Variants in SLIT3 observed in about 807,000 individuals in gnomAD.
SLIT3 encodes the protein slit homolog 3 protein.
A neutral mutation model predicts 184.0 loss-of-function variants in SLIT3; 68 were observed. The observed-to-expected ratio is 0.37, with a 90% CI of 0.30 to 0.45. The LOEUF (loss-of-function observed/expected upper bound fraction) is 0.45. SLIT3 is among the 20% of genes least tolerant of loss of function. The pLI is 1.00. For synonymous variants in SLIT3, 831 were observed against 828.6 expected (o/e 1.00, Z -0.05); for missense variants, 1,707 against 2,026.0 (o/e 0.84, Z 3.02).
intron 4 of SLIT3, among the ~76,000 whole-genome samples, chr5:168,962,918 C>T (rs1265329338): frequency 4.6e-5 from 7 of 152,232 alleles, no homozygotes; most frequent in Non-Finnish European, 8.8e-5. Flanking sequence ...CATCTCTTCA[C>T]AGCAGCCGTT....
At chr5:168,724,105 T>A (rs1055116840) in intron 21 of SLIT3, among the ~76,000 whole-genome samples, 1 of 152,198 alleles carries the variant, frequency 6.6e-6, no homozygotes, top group Non-Finnish European at 1.5e-5. Flanking sequence ...CCAATGTCCA[T>A]AGTTCCGAAG....
intron 4 of SLIT3, among the ~76,000 whole-genome samples, chr5:169,163,901 T>C (rs1324822339): frequency 1.3e-5 from 2 of 152,166 alleles, no homozygotes; most frequent in African/African-American, 4.8e-5. Context: ...GCCCCATTCG[T>C]TCCTTTGGGC....
At chr5:168,699,447 G>C (rs898361677) in intron 27 of SLIT3, among the ~76,000 whole-genome samples, 3 of 152,236 alleles carry the variant, frequency 2.0e-5, no homozygotes, top group Admixed American at 6.5e-5. Flanking sequence ...TGCCAAAGGA[G>C]CCCGTTCCCA....
chr5:168,944,017 G>C (rs1191366615), intron 4 of SLIT3, among the ~76,000 whole-genome samples: 2 of 152,152 alleles, frequency 1.3e-5, no homozygotes, highest in East Asian at 3.8e-4. Context: ...TGGTGGCCCA[G>C]CAGCGCACAT....
rs1243874355 is a variant in SLIT3, at chr5:168,683,973, C to G, written c.3679G>C (p.Val1227Leu). The change falls in exon 32 of 36, where the codon GTG (valine) becomes CTG (leucine). Residue 1227 changes from valine to leucine, a missense_variant. Val to Leu is a conservative substitution (Grantham distance 32). Around this residue, in one of 3 missense-constraint regions of SLIT3, gnomAD observed 387 missense variants for 477.9 expected, o/e 0.81. Transcript: ENST00000519560. ...AGGGAGAGAGGCCCTTACCTGTACA[C>G]TGTGGTTGGAGGGGAACTCAGGCTG... ...YDSLSSPPTT[V>L]YSVETVNDGQ... The G allele has an allele frequency of 1.3e-6, 2 of 1,581,958 alleles. No individual in the cohort carries two copies. Among genetic ancestry groups the G allele is most frequent in the Non-Finnish European group, 8.6e-7 (1 of 1,162,258 alleles).
chr5:168,784,868 G>GACACAC (rs34317589), intron 12 of SLIT3, among the ~76,000 whole-genome samples: 2 of 149,744 alleles, frequency 1.3e-5, no homozygotes, highest in African/African-American at 2.5e-5. Flanking sequence ...ATTTTAAAAA[G>GACACAC]ACACACACAC....
At chr5:168,903,929 T>G (rs1048056496) in intron 4 of SLIT3, among the ~76,000 whole-genome samples, 5 of 152,204 alleles carry the variant, frequency 3.3e-5, no homozygotes, top group Admixed American at 2.6e-4. Context: ...GTGGGGACAC[T>G]GGGTGGGATG....
chr5:169,275,735 C>T (rs1167485464), intron 1 of SLIT3, among the ~76,000 whole-genome samples: 2 of 152,096 alleles, frequency 1.3e-5, no homozygotes, highest in African/African-American at 4.8e-5. Context: ...AAAGACCAGC[C>T]CCCATGATTC....
intron 4 of SLIT3, among the ~76,000 whole-genome samples, chr5:169,145,108 G>A (rs1363971538): frequency 6.6e-6 from 1 of 152,168 alleles, no homozygotes; most frequent in Non-Finnish European, 1.5e-5. Flanking sequence ...TGTTCAAGGT[G>A]CATCATCAGA....
chr5:168,932,593 A>G (rs1762026496), intron 4 of SLIT3, among the ~76,000 whole-genome samples: 1 of 152,280 alleles, frequency 6.6e-6, no homozygotes, highest in Admixed American at 6.5e-5. Context: ...GCGACTGCCC[A>G]GGGACACCCC....
chr5:168,895,592 GC>G lies in SLIT3; in HGVS notation c.414-12257del, dbSNP rs1335894658. Among the ~76,000 whole-genome samples the G allele has an allele frequency of 2.0e-5, 3 of 152,200 alleles. No homozygotes were observed. The East Asian group carries it at 5.8e-4, about 29-fold the overall frequency. On this transcript the variant is annotated intron_variant, in intron 4 of 35. Transcript: ENST00000519560. ...TGAGTTGCAAAGCTGGCCTCCAGAA[GC>G]CCAGTAACGGATGAAATATATAGGA...
In SLIT3 at chr5:168,712,170, T is replaced by C. The variant is rs1762579658; in HGVS notation, c.2555+113A>G. The C allele has an allele frequency of 1.5e-5, 13 of 857,624 alleles. 1 individual carries two copies. In the South Asian group the frequency reaches 1.7e-4, roughly 11 times the overall value. The allele number at this position is 857,624 out of a possible 1,614,324, so 53.1% of individuals were successfully genotyped here. ...GTGGATACATAGTTGTATAATATACTGTATGCATAAGGAAAGGACATCTGC... is the reference window on the plus strand; with the variant it reads ...GTGGATACATAGTTGTATAATATACCGTATGCATAAGGAAAGGACATCTGC... On this transcript the variant is annotated intron_variant, in intron 24 of 35. Coordinates refer to ENST00000519560, the MANE Select transcript of SLIT3 (RefSeq NM_003062.4).
chr5:169,284,232 G>C (rs1767083683), intron 1 of SLIT3, among the ~76,000 whole-genome samples: 3 of 152,192 alleles, frequency 2.0e-5, no homozygotes, highest in Admixed American at 2.0e-4. Context: ...GGGATCTCTA[G>C]GGTCAAAAGC....
At chr5:168,748,574 C>A in intron 19 of SLIT3, 140 bp from the exon 20 acceptor site, 1 of 785,118 alleles carries the variant, frequency 1.3e-6, no homozygotes, top group South Asian at 2.6e-5. Flanking sequence ...AGAGGGTACC[C>A]GCTGGTCTCA....
intron 4 of SLIT3, among the ~76,000 whole-genome samples, chr5:168,915,626 T>C (rs901151879): frequency 6.6e-6 from 1 of 152,212 alleles, no homozygotes; most frequent in Non-Finnish European, 1.5e-5. Context: ...CTATTTAAAA[T>C]TGTTAATGAG....
At chr5:169,098,529 A>T (rs981026363) in intron 4 of SLIT3, among the ~76,000 whole-genome samples, 7 of 152,228 alleles carry the variant, frequency 4.6e-5, no homozygotes, top group Non-Finnish European at 1.0e-4. Context: ...TATTCCACAC[A>T]TTGCATGACG....
chr5:169,291,847 G>A (rs531138101), intron 1 of SLIT3, among the ~76,000 whole-genome samples: 1 of 152,310 alleles, frequency 6.6e-6, no homozygotes, highest in East Asian at 1.9e-4. Context: ...TGCCTCTCCT[G>A]TTCCTTACTG....
chr5:169,122,046 C>T (rs1760896629), intron 4 of SLIT3, among the ~76,000 whole-genome samples: 1 of 152,212 alleles, frequency 6.6e-6, no homozygotes, highest in African/African-American at 2.4e-5. Flanking sequence ...CTTCCGGTTG[C>T]TTTCCATTGA....
chr5:168,818,730 C>G (rs1354759110), intron 7 of SLIT3, among the ~76,000 whole-genome samples: 1 of 152,196 alleles, frequency 6.6e-6, no homozygotes, highest in African/African-American at 2.4e-5. Flanking sequence ...CTGAAGGGCT[C>G]TTGACCAAGC....
Sources: allele counts gnomAD v4.1 joint callset (sites outside exome capture counted in the v4.1 genomes callset), GRCh38; gene constraint gnomAD v4.1.1; regional missense constraint gnomAD v4.1.1; transcripts MANE v1.5; gene names NCBI Gene and HGNC (gene_info 2026-07-23, HGNC 2026-07-21).